Variants in ZC3H13 observed in about 807,000 individuals in gnomAD.
ZC3H13 encodes the protein zinc finger CCCH domain-containing protein 13.
A neutral mutation model predicts 204.1 loss-of-function variants in ZC3H13; 64 were observed. That is an observed-to-expected ratio of 0.31 (90% CI 0.26 to 0.39). ZC3H13 has a LOEUF of 0.39. ZC3H13 is among the 10% of genes least tolerant of loss of function. ZC3H13 has a pLI of 1.00. For missense variants in ZC3H13, 1,833 were observed against 2,082.7 expected (o/e 0.88, Z 2.33); for synonymous variants, 667 against 693.7 (o/e 0.96, Z 0.60).
At chr13:46,002,976 T>G (rs111681262) in intron 8 of ZC3H13, among the ~76,000 whole-genome samples, 163 bp downstream of exon 8, 1 of 152,112 alleles carries the variant, frequency 6.6e-6, no homozygotes, top group Admixed American at 6.5e-5. Flanking sequence ...GAATTATCCA[T>G]GACTCATAAT....
chr13:46,042,012 G>A, intron 4 of ZC3H13, 152 bp downstream of exon 4: 1 of 536,138 alleles, frequency 1.9e-6, no homozygotes, highest in Non-Finnish European at 3.2e-6. Flanking sequence ...TTTCCCAGGG[G>A]ACTCTTTCCC....
chr13:45,998,983 A>G (rs1212870846), intron 8 of ZC3H13, among the ~76,000 whole-genome samples: 2 of 152,222 alleles, frequency 1.3e-5, no homozygotes, highest in Non-Finnish European at 2.9e-5. Context: ...GCTCAAGCCT[A>G]TAACTACAAT....
chr13:45,994,180 T>G (rs1470177359), intron 8 of ZC3H13, among the ~76,000 whole-genome samples: 1 of 152,366 alleles, frequency 6.6e-6, no homozygotes, highest in South Asian at 2.1e-4. Flanking sequence ...CTTAACATTT[T>G]CTTTTCTCTA....
intron 18 of ZC3H13, among the ~76,000 whole-genome samples, chr13:45,958,648 G>GTTTCTTTTT (rs1413203609): frequency 1.6e-5 from 2 of 123,678 alleles, no homozygotes; most frequent in African/African-American, 6.1e-5. Context: ...AAAAATCCCA[G>GTTTCTTTTT]TTTTTTTTTT....
chr13:46,001,347 T>C (rs922684322), intron 8 of ZC3H13: 1 of 152,234 alleles, frequency 6.6e-6, no homozygotes, highest in Non-Finnish European at 1.5e-5. Context: ...TAACTCTTCC[T>C]AAACCAAAAT....
chr13:46,051,960 C>A (rs2044463176), intron 1 of ZC3H13: 1 of 136,222 alleles, frequency 7.3e-6, no homozygotes. Flanking sequence ...AAGTAGCACT[C>A]AATTCCCAGG....
chr13:46,030,003 C>T (rs1593754086), intron 4 of ZC3H13, among the ~76,000 whole-genome samples: 1 of 151,994 alleles, frequency 6.6e-6, no homozygotes, highest in East Asian at 1.9e-4. Flanking sequence ...AAAAAGCTAG[C>T]AAATCAAATC....
intron 17 of ZC3H13, 70 bp downstream of exon 17, chr13:45,963,772 T>A (rs1951863558): frequency 1.2e-6 from 2 of 1,601,170 alleles, no homozygotes; most frequent in Non-Finnish European, 1.7e-6. Context: ...TAAGAACAGA[T>A]CAGAATCCCC....
intron 4 of ZC3H13, among the ~76,000 whole-genome samples, chr13:46,024,380 C>G (rs1342818415): frequency 6.6e-6 from 1 of 152,088 alleles, no homozygotes. Flanking sequence ...GTAGTAAACA[C>G]TCTCAATTTT....
Position 45,969,627 on chromosome 13 carries a change from C to A in ZC3H13, c.2917G>T (p.Asp973Tyr). The A allele has an allele frequency of 6.2e-7, 1 of 1,609,958 alleles. No homozygotes were observed. Among genetic ancestry groups the A allele is most frequent in the Non-Finnish European group, 8.5e-7 (1 of 1,179,176 alleles). Reference protein sequence around the residue: ...QKKPIKKKKEDDVGIERGNIE... With the variant: ...QKKPIKKKKEYDVGIERGNIE... ...TTACCCCTCTCTATTCCAACATCAT[C>A]CTCTTTCTTTTTCTTAATTGGTTTC... Residue 973 changes from aspartate (D) to tyrosine (Y), a missense_variant, in exon 14 of 19, where the codon GAT (aspartate) becomes TAT (tyrosine). By Grantham distance (160) the Asp-to-Tyr change is radical. Transcript: ENST00000679008.
intron 4 of ZC3H13, among the ~76,000 whole-genome samples, chr13:46,026,715 G>A (rs914526263): frequency 1.3e-5 from 2 of 151,956 alleles, no homozygotes; most frequent in Non-Finnish European, 2.9e-5. Flanking sequence ...TTAGATAATG[G>A]GTGGAATCCA....
intron 4 of ZC3H13, among the ~76,000 whole-genome samples, chr13:46,022,182 A>G (rs568076318): frequency 6.6e-6 from 1 of 151,926 alleles, no homozygotes; most frequent in Non-Finnish European, 1.5e-5. Flanking sequence ...TAATTTTTGA[A>G]TTGTCCATGT....
chr13:46,030,752 T>C (rs536571575), intron 4 of ZC3H13, among the ~76,000 whole-genome samples: 1 of 152,096 alleles, frequency 6.6e-6, no homozygotes, highest in Non-Finnish European at 1.5e-5. Flanking sequence ...TAGCAAAATA[T>C]GCATAAGACA....
At chr13:46,035,129 A>G (rs188158029) in intron 4 of ZC3H13, among the ~76,000 whole-genome samples, 4 of 152,286 alleles carry the variant, frequency 2.6e-5, no homozygotes, top group Admixed American at 2.6e-4. Context: ...TAACCCTTGG[A>G]ATTCAGTTAT....
chr13:46,047,347 G>T (rs1170238519), intron 1 of ZC3H13, among the ~76,000 whole-genome samples: 1 of 152,028 alleles, frequency 6.6e-6, no homozygotes, highest in African/African-American at 2.4e-5. Context: ...TTTAAAAACA[G>T]AATTACTTCA....
At chr13:45,958,189 G>A (rs1041370169) in intron 18 of ZC3H13, among the ~76,000 whole-genome samples, 1 of 152,088 alleles carries the variant, frequency 6.6e-6, no homozygotes, top group Non-Finnish European at 1.5e-5. Context: ...TCATTCTTCT[G>A]TTTTTTAAAA....
chr13:46,050,062 C>G (rs1160239484), intron 1 of ZC3H13, among the ~76,000 whole-genome samples: 1 of 152,072 alleles, frequency 6.6e-6, no homozygotes, highest in Non-Finnish European at 1.5e-5. Context: ...TCCTATTTCT[C>G]CTCTCCATTT....
At chr13:46,011,597 A>G in intron 5 of ZC3H13, 43 bp from the exon 6 acceptor site, 1 of 1,462,906 alleles carries the variant, frequency 6.8e-7, no homozygotes, top group Non-Finnish European at 9.1e-7. Context: ...TAGCATAATT[A>G]TCTATGCCAA....
intron 1 of ZC3H13, among the ~76,000 whole-genome samples, chr13:46,048,207 C>G (rs759714917): frequency 2.0e-4 from 30 of 152,160 alleles, no homozygotes; most frequent in Non-Finnish European, 3.4e-4. Flanking sequence ...TTGCCTGATT[C>G]GCACTACTCT....
Sources: allele counts gnomAD v4.1 joint callset (sites outside exome capture counted in the v4.1 genomes callset), GRCh38; gene constraint gnomAD v4.1.1; transcripts MANE v1.5; gene names NCBI Gene and HGNC (gene_info 2026-07-23, HGNC 2026-07-21).